The following DGKB variants were observed in gnomAD, a reference collection of about 807,000 sequenced individuals.
DGKB encodes the protein diacylglycerol kinase beta, also known as 90 kDa diacylglycerol kinase.
Under a neutral mutation model 114.3 loss-of-function variants are expected in DGKB, and 67 were observed. The observed-to-expected ratio is 0.59, with a 90% CI of 0.48 to 0.72. DGKB has a LOEUF of 0.72. Among genes scored for constraint, DGKB ranks in the 30% least tolerant of loss-of-function variants. The pLI is 0.00. For missense variants in DGKB, 907 were observed against 975.2 expected (o/e 0.93, Z 0.93); for synonymous variants, 398 against 323.1 (o/e 1.23, Z -2.49).
rs1051216348 is a variant in DGKB at position 14,283,894 on chromosome 7, C to G, written c.2122+54621G>C. Among the ~76,000 whole-genome samples, 43 of 152,076 alleles carry G rather than the reference C, an allele frequency of 2.8e-4. No homozygotes were observed. In the Middle Eastern group the frequency reaches 0.01, roughly 36 times the overall value. On this transcript the variant is annotated intron_variant, in intron 23 of 25. Transcript: ENST00000402815. ...TGGATTAAAGACTTAAACGTTAGAC[C>G]TAAAACCATAAAAACCATAGAAGAA...
chr7:14,595,181 A>G (rs1802359473), intron 17 of DGKB, among the ~76,000 whole-genome samples: 1 of 152,066 alleles, frequency 6.6e-6, no homozygotes, highest in Non-Finnish European at 1.5e-5. Flanking sequence ...GGAGAAATTG[A>G]GTGAAGGGTT....
rs140093706 is a variant in DGKB, at chr7:14,954,970, C to G, written c.-188+19726G>C. 5.1e-3 allele frequency among the ~76,000 whole-genome samples: 769 copies of G among 151,996 alleles called. 6 individuals carry two copies. Among genetic ancestry groups the G allele is most frequent in the African/African-American group, 0.018 (744 of 41,478 alleles). ...ACACTGATCTACAACTGAGCCTGAACAAACTTCAACATTAAGAGATTTGGA... is the reference window on the plus strand; with the variant it reads ...ACACTGATCTACAACTGAGCCTGAAGAAACTTCAACATTAAGAGATTTGGA... On this transcript the variant is annotated intron_variant, in intron 1 of 4. Transcript: ENST00000437998.
At chr7:14,622,210 T>C (rs190263648) in intron 14 of DGKB, among the ~76,000 whole-genome samples, 1 of 152,192 alleles carries the variant, frequency 6.6e-6, no homozygotes, top group Admixed American at 6.6e-5. Flanking sequence ...GATCTCTTCT[T>C]ACTCTTTGAA....
intron 21 of DGKB, among the ~76,000 whole-genome samples, chr7:14,438,803 A>T (rs1008307481): frequency 1.3e-5 from 2 of 152,274 alleles, no homozygotes. Flanking sequence ...ATAATTAAGT[A>T]TCACCTAATT....
At chr7:14,766,162 C>G (rs1299568920) in intron 2 of DGKB, among the ~76,000 whole-genome samples, 2 of 151,922 alleles carry the variant, frequency 1.3e-5, no homozygotes, top group South Asian at 2.1e-4. Flanking sequence ...TCTCAAGCCA[C>G]CTATTGAGTT....
At chr7:14,178,001 C>T (rs762792012) in intron 24 of DGKB, 30 bp downstream of exon 24, 42 of 1,516,340 alleles carry the variant, frequency 2.8e-5, no homozygotes, top group Middle Eastern at 1.8e-4. Context: ...CCATATCAAA[C>T]GCCTTTGTCA....
intron 1 of DGKB, among the ~76,000 whole-genome samples, chr7:14,862,069 C>T (rs10241980): frequency 0.11 from 16,184 of 151,828 alleles, 1,609 homozygotes; most frequent in East Asian, 0.29. Context: ...CCATATGAAA[C>T]GATACTGTGA....
chr7:14,569,303 C>G (rs1279600944), intron 20 of DGKB, among the ~76,000 whole-genome samples: 5 of 152,152 alleles, frequency 3.3e-5, no homozygotes. Context: ...AAACAAGACC[C>G]TTTAAAAGAA....
At chr7:14,577,399 C>G (rs1006720611) in intron 19 of DGKB, among the ~76,000 whole-genome samples, 1 of 152,046 alleles carries the variant, frequency 6.6e-6, no homozygotes, top group African/African-American at 2.4e-5. Context: ...GGGTGGATCA[C>G]GAGGTCAGGA....
At chr7:14,783,252 G>T (rs1185254918) in intron 2 of DGKB, among the ~76,000 whole-genome samples, 1 of 152,126 alleles carries the variant, frequency 6.6e-6, no homozygotes, top group Non-Finnish European at 1.5e-5. Flanking sequence ...ACATCTACAG[G>T]ATATGGTTAT....
At chr7:14,231,297 C>T (rs1791801368) in intron 23 of DGKB, among the ~76,000 whole-genome samples, 1 of 151,730 alleles carries the variant, frequency 6.6e-6, no homozygotes, top group Non-Finnish European at 1.5e-5. Flanking sequence ...CCACCATGCT[C>T]AGCCAATTTT....
intron 21 of DGKB, among the ~76,000 whole-genome samples, chr7:14,357,789 T>C (rs545892895): frequency 7.9e-4 from 120 of 152,260 alleles, no homozygotes; most frequent in Non-Finnish European, 1.5e-3. Flanking sequence ...TAAGGCAGGC[T>C]TGGTGGTGGC....
intron 8 of DGKB, among the ~76,000 whole-genome samples, chr7:14,697,776 G>GAAAGAAAGAAAGAAAGAAAGAAAAAA (rs781493498): frequency 9.9e-6 from 1 of 100,776 alleles, no homozygotes; most frequent in African/African-American, 4.0e-5. Flanking sequence ...AAGAAACAAA[G>GAAAGAAAGAAAGAAAGAAAGAAAAAA]AGAAAGAAAG....
At chr7:14,652,911 T>C (rs1165941474) in intron 13 of DGKB, among the ~76,000 whole-genome samples, 2 of 151,978 alleles carry the variant, frequency 1.3e-5, no homozygotes, top group Non-Finnish European at 2.9e-5. Flanking sequence ...AAAATGCTCA[T>C]CATCACTGGC....
At chr7:14,196,852 A>G (rs1200994965) in intron 23 of DGKB, among the ~76,000 whole-genome samples, 3 of 152,138 alleles carry the variant, frequency 2.0e-5, no homozygotes, top group Admixed American at 1.3e-4. Context: ...AGATAAGTAC[A>G]AAAAATCTCT....
At chr7:14,812,019 C>T (rs1280045405) in intron 2 of DGKB, among the ~76,000 whole-genome samples, 1 of 152,090 alleles carries the variant, frequency 6.6e-6, no homozygotes, top group Non-Finnish European at 1.5e-5. Flanking sequence ...CTCTAGGTAT[C>T]TCGTGTATGT....
At chr7:14,860,559 C>T (rs1369852570) in intron 1 of DGKB, among the ~76,000 whole-genome samples, 1 of 151,904 alleles carries the variant, frequency 6.6e-6, no homozygotes, top group African/African-American at 2.4e-5. Flanking sequence ...ATGCTCCATT[C>T]TGTTTTTGTC....
chr7:14,706,409 A>G (rs1414123037), intron 6 of DGKB, among the ~76,000 whole-genome samples: 3 of 148,134 alleles, frequency 2.0e-5, no homozygotes, highest in African/African-American at 5.0e-5. Flanking sequence ...CAGATCAACG[A>G]GACAGAAAGT....
chr7:14,553,745 C>T (rs1795443169), intron 20 of DGKB, among the ~76,000 whole-genome samples: 1 of 151,452 alleles, frequency 6.6e-6, no homozygotes, highest in African/African-American at 2.4e-5. Context: ...TTTAAATTTA[C>T]ATTAAGAAGT....
Sources: gnomAD v4.1 joint callset for allele counts (sites outside exome capture counted in the v4.1 genomes callset) on GRCh38, gnomAD v4.1.1 for gene constraint, MANE v1.5 for transcripts, NCBI Gene and HGNC (gene_info 2026-07-23, HGNC 2026-07-21) for gene names.